The following ALK variants were observed in gnomAD, a reference collection of about 807,000 sequenced individuals.
The protein encoded by ALK is ALK receptor tyrosine kinase.
Under a neutral mutation model 163.1 loss-of-function variants are expected in ALK, and 74 were observed. The ratio of observed to expected loss-of-function variants is 0.45; its 90% CI spans 0.38 to 0.55. ALK has a LOEUF of 0.55. Among genes scored for constraint, ALK ranks in the 20% least tolerant of loss-of-function variants. ALK has a pLI of 0.00. For synonymous variants in ALK, 960 were observed against 843.2 expected, an observed-to-expected ratio of 1.14 and a Z score of -2.40; for missense variants, 2,063 against 2,105.3, an observed-to-expected ratio of 0.98 and a Z score of 0.39.
chr2:29,510,309 G>C (rs995338386), intron 4 of ALK, among the ~76,000 whole-genome samples: 1 of 152,122 alleles, frequency 6.6e-6, no homozygotes, highest in Non-Finnish European at 1.5e-5. Context: ...GCAGGTGTTT[G>C]CTATTTTAAA....
At chr2:29,842,625 C>T (rs1183226988) in intron 1 of ALK, among the ~76,000 whole-genome samples, 1 of 152,188 alleles carries the variant, frequency 6.6e-6, no homozygotes, top group Non-Finnish European at 1.5e-5. Flanking sequence ...CAGCTGATTA[C>T]CTCCAGGACC....
At chr2:29,769,367 G>A (rs1680953439) in intron 1 of ALK, among the ~76,000 whole-genome samples, 1 of 151,972 alleles carries the variant, frequency 6.6e-6, no homozygotes, top group South Asian at 2.1e-4. Context: ...CTTTTTTCAT[G>A]ACAAATAGAG....
At chr2:29,215,265 A>G (rs1295255225) in intron 23 of ALK, among the ~76,000 whole-genome samples, 1 of 152,188 alleles carries the variant, frequency 6.6e-6, no homozygotes, top group Admixed American at 6.5e-5. Context: ...CGGTGGAACC[A>G]GGTGGGGTCT....
At chr2:29,739,278 G>A (rs1431379115) in intron 1 of ALK, among the ~76,000 whole-genome samples, 1 of 137,442 alleles carries the variant, frequency 7.3e-6, no homozygotes, top group East Asian at 2.2e-4. Flanking sequence ...AAGAACATAG[G>A]CCAGGTGCCA....
chr2:29,725,419 A>T (rs1334893124), intron 1 of ALK, among the ~76,000 whole-genome samples: 2 of 151,980 alleles, frequency 1.3e-5, no homozygotes, highest in South Asian at 2.1e-4. Flanking sequence ...CCTCCTCCTC[A>T]AGGTCCCTGT....
At chr2:29,287,184 T>C (rs1665881044) in intron 9 of ALK, among the ~76,000 whole-genome samples, 1 of 152,226 alleles carries the variant, frequency 6.6e-6, no homozygotes, top group Non-Finnish European at 1.5e-5. Context: ...TTATCAGTTT[T>C]GAGTTACTAA....
At chr2:29,799,370 T>C (rs957945044) in intron 1 of ALK, among the ~76,000 whole-genome samples, 26 of 152,244 alleles carry the variant, frequency 1.7e-4, no homozygotes, top group African/African-American at 5.3e-4. Flanking sequence ...TTAAAAACAC[T>C]AATAAAGTAA....
chr2:29,334,376 G>A (rs1321905595), intron 5 of ALK, among the ~76,000 whole-genome samples: 1 of 152,200 alleles, frequency 6.6e-6, no homozygotes, highest in Non-Finnish European at 1.5e-5. Flanking sequence ...AGCTGGGGAA[G>A]GTCTCATTAT....
At chr2:29,680,100 T>C (rs1266206790) in intron 3 of ALK, among the ~76,000 whole-genome samples, 5 of 152,030 alleles carry the variant, frequency 3.3e-5, no homozygotes, top group Admixed American at 6.6e-5. Context: ...TATTGTTCTC[T>C]TGTTGTTTAA....
intron 1 of ALK, among the ~76,000 whole-genome samples, chr2:29,901,014 C>G (rs1000803422): frequency 6.7e-6 from 1 of 149,270 alleles, no homozygotes. Context: ...AGCAAGCAAG[C>G]AAGCAAGCAA....
At chr2:29,512,457 C>T (rs991648167) in intron 4 of ALK, among the ~76,000 whole-genome samples, 12 of 148,982 alleles carry the variant, frequency 8.1e-5, no homozygotes, top group Admixed American at 5.4e-4. Flanking sequence ...AGACTTCATG[C>T]TAAAAACTCT....
intron 1 of ALK, among the ~76,000 whole-genome samples, chr2:29,831,667 ATAGT>A (rs1292772161): frequency 1.3e-5 from 2 of 152,192 alleles, no homozygotes; most frequent in Admixed American, 6.5e-5. Flanking sequence ...TCAACACCTA[ATAGT>A]TAGCCTTGGG....
intron 4 of ALK, among the ~76,000 whole-genome samples, chr2:29,502,767 T>G (rs574745799): frequency 3.3e-5 from 5 of 152,326 alleles, no homozygotes; most frequent in African/African-American, 1.2e-4. Context: ...AGAATTACAT[T>G]ATCTCTTTAC....
intron 1 of ALK, among the ~76,000 whole-genome samples, chr2:29,746,784 C>T (rs1223456159): frequency 6.6e-6 from 1 of 152,176 alleles, no homozygotes; most frequent in East Asian, 1.9e-4. Flanking sequence ...TTCATGTTTT[C>T]TATCAGTCCA....
At chr2:29,722,619 T>A (rs1233995381) in intron 1 of ALK, among the ~76,000 whole-genome samples, 1 of 152,230 alleles carries the variant, frequency 6.6e-6, no homozygotes, top group African/African-American at 2.4e-5. Context: ...ATTTTCTGCA[T>A]CTAAACTCTC....
chr2:29,491,811 C>T (rs558621910), intron 4 of ALK, among the ~76,000 whole-genome samples: 9 of 152,210 alleles, frequency 5.9e-5, no homozygotes, highest in Non-Finnish European at 1.0e-4. Flanking sequence ...AACCCAGGCT[C>T]GGAGAGAAGC....
chr2:29,821,919 C>T (rs1572407180), intron 1 of ALK, among the ~76,000 whole-genome samples: 1 of 152,156 alleles, frequency 6.6e-6, no homozygotes, highest in African/African-American at 2.4e-5. Flanking sequence ...TCTGAGGTGG[C>T]TATTGCACAC....
intron 4 of ALK, among the ~76,000 whole-genome samples, chr2:29,390,559 A>G (rs1669141600): frequency 7.1e-6 from 1 of 140,794 alleles, no homozygotes; most frequent in Non-Finnish European, 1.5e-5. Context: ...GTTTGTCTGG[A>G]TCAATACAGA....
chr2:29,634,117 AT>A lies in ALK; in HGVS notation c.952+60732del, dbSNP rs36065798. Among the ~76,000 whole-genome samples the A allele has an allele frequency of 1.4e-4, 21 of 148,846 alleles. No homozygotes were observed. The East Asian group carries it at 1.8e-3, about 13-fold the overall frequency. On this transcript the variant is annotated intron_variant, in intron 3 of 28. Transcript: ENST00000389048. The stretch of plus-strand genomic sequence containing the variant: ...ATTCATGAAAGGATGACTGGTGCAC[AT>A]TTTTTTTTTTCGCTCTGTCACCCAG...
Sources: gnomAD v4.1 joint callset for allele counts (sites outside exome capture counted in the v4.1 genomes callset) on GRCh38, gnomAD v4.1.1 for gene constraint, MANE v1.5 for transcripts, NCBI Gene and HGNC (gene_info 2026-07-23, HGNC 2026-07-21) for gene names.